Variants in PHLDB2 observed in about 807,000 individuals in gnomAD.
PHLDB2 encodes pleckstrin homology-like domain family B member 2.
A neutral mutation model predicts 123.6 loss-of-function variants in PHLDB2; 71 were observed. That is an observed-to-expected ratio of 0.57 (90% CI 0.47 to 0.70). PHLDB2 has a LOEUF of 0.70. PHLDB2 is among the 30% of genes least tolerant of loss of function. The pLI, the probability that PHLDB2 is intolerant of heterozygous loss-of-function variation, is 0.00. For missense variants in PHLDB2, 1,446 were observed against 1,519.5 expected (o/e 0.95, Z 0.80); for synonymous variants, 547 against 541.6 (o/e 1.01, Z -0.14).
chr3:111,867,085 T>C (rs1443248505), intron 1 of PHLDB2, among the ~76,000 whole-genome samples: 2 of 152,160 alleles, frequency 1.3e-5, no homozygotes, highest in African/African-American at 2.4e-5. Flanking sequence ...CACATAACGT[T>C]ATCTTGCAAA....
chr3:111,822,317 G>GTGTGTGTGTGTGTGTGTGTGTGTGTA (rs1553734228), intron 1 of PHLDB2, among the ~76,000 whole-genome samples: 73 of 147,902 alleles, frequency 4.9e-4, no homozygotes, highest in African/African-American at 1.8e-3. Context: ...GTGTGTGTGT[G>GTGTGTGTGTGTGTGTGTGTGTGTGTA]TATATATATA....
At chr3:111,783,012 C>T (rs866476767) in intron 1 of PHLDB2, among the ~76,000 whole-genome samples, 1 of 151,862 alleles carries the variant, frequency 6.6e-6, no homozygotes. Flanking sequence ...TTCTTAGTTC[C>T]TATCTGTTTT....
intron 1 of PHLDB2, among the ~76,000 whole-genome samples, chr3:111,798,614 G>T (rs1253807434): frequency 2.0e-5 from 3 of 151,910 alleles, no homozygotes; most frequent in African/African-American, 7.3e-5. Context: ...GGAGGCCAAG[G>T]CTGCAGTGAG....
intron 1 of PHLDB2, among the ~76,000 whole-genome samples, chr3:111,743,059 T>C (rs1178330572): frequency 6.6e-6 from 1 of 151,464 alleles, no homozygotes; most frequent in Non-Finnish European, 1.5e-5. Flanking sequence ...ACCAAAGGAG[T>C]TGGGGTCCAA....
intron 1 of PHLDB2, among the ~76,000 whole-genome samples, chr3:111,870,913 C>A (rs183892821): frequency 3.9e-5 from 6 of 152,182 alleles, no homozygotes; most frequent in Admixed American, 1.3e-4. Context: ...CCACAAAATG[C>A]GGACTCCAAG....
At chr3:111,932,151 C>T in intron 5 of PHLDB2, 118 bp from the exon 6 acceptor site, 1 of 1,127,642 alleles carries the variant, frequency 8.9e-7, no homozygotes, top group Non-Finnish European at 1.2e-6. Context: ...TTTCTACATT[C>T]ATAGATTGTC....
chr3:111,890,941 G>A (rs569967046), intron 2 of PHLDB2, among the ~76,000 whole-genome samples: 50 of 152,282 alleles, frequency 3.3e-4, no homozygotes, highest in African/African-American at 1.1e-3. Flanking sequence ...TTAGAAACCA[G>A]TTATCAAGCC....
At chr3:111,964,792 G>A (rs1209068233) in intron 13 of PHLDB2, among the ~76,000 whole-genome samples, 2 of 152,068 alleles carry the variant, frequency 1.3e-5, no homozygotes, top group South Asian at 4.1e-4. Context: ...AAAGAAAATG[G>A]TAAACAGTGA....
intron 1 of PHLDB2, among the ~76,000 whole-genome samples, chr3:111,803,455 A>G (rs1352442405): frequency 6.6e-6 from 1 of 152,070 alleles, no homozygotes; most frequent in Non-Finnish European, 1.5e-5. Flanking sequence ...GAACTCCTGG[A>G]CATCTTAGTG....
chr3:111,931,213 G>A (rs569546294), intron 5 of PHLDB2, among the ~76,000 whole-genome samples: 9 of 152,312 alleles, frequency 5.9e-5, no homozygotes, highest in Admixed American at 2.0e-4. Flanking sequence ...AGGTCAAATT[G>A]TCAAAGTGCT....
chr3:111,832,399 A>T (rs1283474247), intron 1 of PHLDB2, among the ~76,000 whole-genome samples: 1 of 151,416 alleles, frequency 6.6e-6, no homozygotes, highest in East Asian at 1.9e-4. Flanking sequence ...ACAAAAAAAC[A>T]AAAAGATAAA....
At chr3:111,775,539 C>T (rs6790355) in intron 1 of PHLDB2, among the ~76,000 whole-genome samples, 40,656 of 151,962 alleles carry the variant, frequency 0.27, 6,887 homozygotes, top group African/African-American at 0.48. Context: ...AGTAATTACA[C>T]AATAATCAAT....
intron 6 of PHLDB2, 135 bp from the exon 7 acceptor site, chr3:111,939,340 T>G (rs545509479): frequency 1.2e-6 from 1 of 810,156 alleles, no homozygotes; most frequent in African/African-American, 1.8e-5. Context: ...CAAAAGATAG[T>G]GTTATGTTCT....
At chr3:111,780,785 T>C (rs1171210352) in intron 1 of PHLDB2, among the ~76,000 whole-genome samples, 3 of 152,054 alleles carry the variant, frequency 2.0e-5, no homozygotes, top group Non-Finnish European at 4.4e-5. Flanking sequence ...CCCAAATGCA[T>C]CAATAGCAGC....
intron 1 of PHLDB2, among the ~76,000 whole-genome samples, chr3:111,882,150 A>T (rs964403352): frequency 6.6e-6 from 1 of 152,086 alleles, no homozygotes; most frequent in African/African-American, 2.4e-5. Context: ...AGCTTATTTA[A>T]TTTTTTCCCT....
At chr3:111,969,646 A>G (rs746700571) in intron 15 of PHLDB2, 44 bp from the exon 16 acceptor site, 1 of 1,523,900 alleles carries the variant, frequency 6.6e-7, no homozygotes, top group Non-Finnish European at 9.0e-7. Flanking sequence ...CTAAAACAAA[A>G]CAAATAATTA....
intron 1 of PHLDB2, among the ~76,000 whole-genome samples, chr3:111,755,685 T>C (rs2059875748): frequency 8.1e-6 from 1 of 122,766 alleles, no homozygotes; most frequent in Non-Finnish European, 1.6e-5. Context: ...ATTTCTTGCC[T>C]TCTGCTAGCT....
chr3:111,855,235 A>G (rs547985879), upstream of PHLDB2, among the ~76,000 whole-genome samples: 1 of 152,338 alleles, frequency 6.6e-6, no homozygotes, highest in Non-Finnish European at 1.5e-5. Flanking sequence ...GACTGTAACC[A>G]CTACAGATCC....
intron 2 of PHLDB2, among the ~76,000 whole-genome samples, chr3:111,849,848 A>G (rs1263623043): frequency 1.3e-5 from 2 of 152,084 alleles, no homozygotes; most frequent in Admixed American, 6.6e-5. Context: ...AGCAACTTAT[A>G]TGGAGCTGGA....
Sources: allele counts gnomAD v4.1 joint callset (sites outside exome capture counted in the v4.1 genomes callset), GRCh38; gene constraint gnomAD v4.1.1; transcripts MANE v1.5; gene names NCBI Gene and HGNC (gene_info 2026-07-23, HGNC 2026-07-21).